EPHA6: variants seen among roughly 807,000 people sequenced by gnomAD.
The protein encoded by EPHA6 is ephrin type-A receptor 6.
In EPHA6, 50 loss-of-function variants were observed where a neutral mutation model predicts 112.0. That is an observed-to-expected ratio of 0.45 (90% CI 0.36 to 0.56). EPHA6 has a LOEUF of 0.56. EPHA6 is among the 20% of genes least tolerant of loss of function. The probability of loss-of-function intolerance (pLI) is 0.00; values close to 1 mark genes in which losing one functional copy is unlikely to be tolerated. For missense variants in EPHA6, 1,280 were observed against 1,417.4 expected, an observed-to-expected ratio of 0.90 and a Z score of 1.56; for synonymous variants, 529 against 490.7, an observed-to-expected ratio of 1.08 and a Z score of -1.03.
At chr3:97,025,803 G>A (rs889300670) in intron 3 of EPHA6, among the ~76,000 whole-genome samples, 24 of 152,130 alleles carry the variant, frequency 1.6e-4, no homozygotes, top group Admixed American at 1.1e-3. Flanking sequence ...TGACCAGGAT[G>A]GTCTCGATCT....
chr3:96,884,171 C>A lies in EPHA6; in HGVS notation c.450+17282C>A, dbSNP rs147501310. On this transcript the variant is annotated intron_variant, in intron 2 of 17. Coordinates refer to ENST00000389672, the MANE Select transcript of EPHA6 (RefSeq NM_001080448.3). ...GTAGTGTGATGCCTCTAGATTTGTTCTTTTTGCTTAGTCTTGCTTTGGCTA... is the reference window on the plus strand; with the variant it reads ...GTAGTGTGATGCCTCTAGATTTGTTATTTTTGCTTAGTCTTGCTTTGGCTA... Among the ~76,000 whole-genome samples, 11 of 152,130 alleles carry A rather than the reference C, an allele frequency of 7.2e-5. No homozygotes were observed. The East Asian group carries it at 1.9e-3, about 27-fold the overall frequency.
intron 8 of EPHA6, among the ~76,000 whole-genome samples, chr3:97,478,132 G>A (rs960934620): frequency 9.9e-5 from 15 of 151,930 alleles, no homozygotes; most frequent in African/African-American, 1.5e-4. Flanking sequence ...TCCTCTGGAC[G>A]TTTAAAAGAA....
At chr3:96,940,917 G>C (rs919308762) in intron 2 of EPHA6, among the ~76,000 whole-genome samples, 8 of 152,100 alleles carry the variant, frequency 5.3e-5, no homozygotes, top group African/African-American at 1.9e-4. Flanking sequence ...AAGAATGTTG[G>C]ATATTAGTCC....
At chr3:97,181,397 G>A (rs1476930405) in intron 3 of EPHA6, among the ~76,000 whole-genome samples, 1 of 152,014 alleles carries the variant, frequency 6.6e-6, no homozygotes, top group Non-Finnish European at 1.5e-5. Context: ...TTATCTTGGT[G>A]TTCTCATTGA....
At chr3:97,233,868 G>A (rs1323040021) in intron 4 of EPHA6, among the ~76,000 whole-genome samples, 1 of 152,070 alleles carries the variant, frequency 6.6e-6, no homozygotes, top group African/African-American at 2.4e-5. Context: ...CAAAATATTT[G>A]GCCAGTAAAT....
intron 11 of EPHA6, among the ~76,000 whole-genome samples, chr3:97,543,521 G>T (rs2092899268): frequency 1.3e-5 from 2 of 152,174 alleles, no homozygotes; most frequent in Non-Finnish European, 2.9e-5. Context: ...TTTGAAGTCA[G>T]GTAGCGTGCT....
intron 2 of EPHA6, among the ~76,000 whole-genome samples, chr3:96,917,721 C>T (rs955391850): frequency 2.0e-5 from 3 of 152,056 alleles, no homozygotes; most frequent in African/African-American, 7.2e-5. Flanking sequence ...ATCCACCCAA[C>T]ATTCATTACA....
chr3:97,311,442 TCACACACACACACACA>T (rs35415439), intron 5 of EPHA6, among the ~76,000 whole-genome samples: 2 of 144,058 alleles, frequency 1.4e-5, no homozygotes, highest in African/African-American at 2.5e-5. Flanking sequence ...GATTACACTT[TCACACACACACACACA>T]CACACACACA....
At chr3:97,463,129 C>G (rs894775541) in intron 7 of EPHA6, among the ~76,000 whole-genome samples, 3 of 152,036 alleles carry the variant, frequency 2.0e-5, no homozygotes, top group South Asian at 4.1e-4. Context: ...ACTTTAAGTT[C>G]TAGGGTACAT....
chr3:96,833,556 T>G (rs1358159929), intron 1 of EPHA6, among the ~76,000 whole-genome samples: 1 of 152,000 alleles, frequency 6.6e-6, no homozygotes, highest in Non-Finnish European at 1.5e-5. Flanking sequence ...AAGCTTGCAT[T>G]CTTAAGGAGT....
intron 5 of EPHA6, among the ~76,000 whole-genome samples, chr3:97,314,570 C>T (rs1051729796): frequency 4.0e-5 from 6 of 151,524 alleles, no homozygotes; most frequent in African/African-American, 1.2e-4. Context: ...TAGCTGAAAC[C>T]ACCAGCATCC....
intron 11 of EPHA6, among the ~76,000 whole-genome samples, chr3:97,573,235 A>C (rs1018338646): frequency 2.0e-5 from 3 of 152,202 alleles, no homozygotes; most frequent in African/African-American, 7.2e-5. Context: ...TGAGTTTCTC[A>C]ATCTGCTTCT....
At chr3:97,292,459 G>A (rs1458057767) in intron 5 of EPHA6, among the ~76,000 whole-genome samples, 2 of 152,272 alleles carry the variant, frequency 1.3e-5, no homozygotes, top group Non-Finnish European at 2.9e-5. Context: ...AGGCAGAGAG[G>A]AGCTTCATTA....
At chr3:97,479,887 A>G (rs908049960) in intron 9 of EPHA6, among the ~76,000 whole-genome samples, 1 of 152,172 alleles carries the variant, frequency 6.6e-6, no homozygotes, top group Non-Finnish European at 1.5e-5. Context: ...GCAACCTATA[A>G]TTACCACTAT....
At chr3:97,680,375 T>C (rs978359168) in intron 14 of EPHA6, among the ~76,000 whole-genome samples, 4 of 152,214 alleles carry the variant, frequency 2.6e-5, no homozygotes, top group African/African-American at 9.6e-5. Context: ...CAGCCATTGC[T>C]GATGTTATTT....
At chr3:97,056,748 G>A (rs2045866069) in intron 3 of EPHA6, among the ~76,000 whole-genome samples, 1 of 152,124 alleles carries the variant, frequency 6.6e-6, no homozygotes, top group South Asian at 2.1e-4. Flanking sequence ...ACAGACCTGG[G>A]TTTGCAACGC....
intron 14 of EPHA6, among the ~76,000 whole-genome samples, chr3:97,709,794 A>G (rs147227053): frequency 6.6e-5 from 10 of 152,274 alleles, no homozygotes; most frequent in African/African-American, 2.4e-4. Flanking sequence ...CTCATGAAAT[A>G]TGATGGTTTA....
intron 3 of EPHA6, among the ~76,000 whole-genome samples, chr3:97,025,887 C>A (rs59651345): frequency 0.022 from 3,287 of 152,124 alleles, 111 homozygotes; most frequent in African/African-American, 0.069. Context: ...CACACCTGGC[C>A]TACATTTAAG....
At chr3:97,651,863 T>G (rs764379724) in intron 14 of EPHA6, among the ~76,000 whole-genome samples, 2 of 152,042 alleles carry the variant, frequency 1.3e-5, no homozygotes, top group Admixed American at 1.3e-4. Context: ...ACTTTTTTTT[T>G]TAGGTTCAGA....
Sources: allele counts gnomAD v4.1 joint callset (sites outside exome capture counted in the v4.1 genomes callset), GRCh38; gene constraint gnomAD v4.1.1; transcripts MANE v1.5; gene names NCBI Gene and HGNC (gene_info 2026-07-23, HGNC 2026-07-21).